The following ZNF589 variants were observed in gnomAD, a reference collection of about 807,000 sequenced individuals.
The protein encoded by ZNF589 is KRAB-zinc finger protein SZF1-1.
In ZNF589, 17 loss-of-function variants were observed where a neutral mutation model predicts 13.6. The ratio of observed to expected loss-of-function variants is 1.25; its 90% CI spans 0.86 to 1.88. ZNF589 has a LOEUF of 1.88. Ranked by LOEUF, ZNF589 falls within the 40% of genes most tolerant of loss-of-function variation. The pLI is 0.00. For missense variants in ZNF589, 407 were observed against 434.0 expected (o/e 0.94, Z 0.55); for synonymous variants, 148 against 161.6 (o/e 0.92, Z 0.64).
intron 2 of ZNF589, among the ~76,000 whole-genome samples, chr3:48,249,902 C>T (rs958604578): frequency 6.6e-6 from 1 of 152,052 alleles, no homozygotes; most frequent in Non-Finnish European, 1.5e-5. Flanking sequence ...CCAAGATGGG[C>T]GAATCACCTG....
chr3:48,266,930 G>C (rs912878344), intron 3 of ZNF589, among the ~76,000 whole-genome samples: 1 of 152,132 alleles, frequency 6.6e-6, no homozygotes, highest in Non-Finnish European at 1.5e-5. Flanking sequence ...ACCTATACGG[G>C]AATGCTCTTT....
chr3:48,263,131 C>T (rs1275534596), intron 3 of ZNF589, among the ~76,000 whole-genome samples: 17 of 149,934 alleles, frequency 1.1e-4, no homozygotes, highest in Non-Finnish European at 2.1e-4. Flanking sequence ...TTTTTTGAGA[C>T]GGAGTTTTGC....
At chr3:48,256,749 G>A (rs1275140302) in intron 2 of ZNF589, 2 of 1,604,090 alleles carry the variant, frequency 1.2e-6, no homozygotes, top group East Asian at 2.2e-5. Context: ...GAGGGGTTAG[G>A]AGGATTTGGA....
Position 48,269,360 on chromosome 3 carries a change from G to A in ZNF589, c.*574G>A. On this transcript the variant is annotated 3_prime_UTR_variant, in exon 4 of 4. Transcript: ENST00000354698. ...TACACACTCCAAGGAAAAACCTTAT[G>A]TGTGCAGCCAGTGTGGGCGAGGCTT... 1.1e-6 allele frequency: 1 copy of A among 936,006 alleles called. No homozygotes were observed. Among genetic ancestry groups the A allele is most frequent in the South Asian group, 1.6e-5 (1 of 63,360 alleles). The allele number at this position is 936,006 out of a possible 1,614,324, so 58.0% of individuals were successfully genotyped here. A position where few individuals can be genotyped will look rare whatever the true frequency, so the allele number is the denominator to read the frequency against.
At chr3:48,241,366 C>T (rs2033696817) in intron 1 of ZNF589, 152 bp downstream of exon 1, 2 of 922,368 alleles carry the variant, frequency 2.2e-6, no homozygotes, top group Admixed American at 2.6e-5. Context: ...CCCTGGGGGG[C>T]CAGGTTCCTC....
rs769754822 is a variant in ZNF589, at chr3:48,269,868, G to C, written c.*1082G>C. Reference sequence around the variant, plus strand: ...CGGGAGAAACCTTCATGGAGTGAGAGTAAGGTGTTGGCTGGAAGTGGCCCC... The same window carrying C: ...CGGGAGAAACCTTCATGGAGTGAGACTAAGGTGTTGGCTGGAAGTGGCCCC... On this transcript the variant is annotated 3_prime_UTR_variant, in exon 4 of 4. Transcript: ENST00000354698. 1 of 368,606 alleles carries C rather than the reference G, an allele frequency of 2.7e-6. No homozygotes were observed. Among genetic ancestry groups the C allele is most frequent in the Non-Finnish European group, 5.3e-6 (1 of 188,694 alleles). 22.8% of individuals were successfully genotyped at this position (368,606 alleles called of 1,614,324 possible). A position where few individuals can be genotyped will look rare whatever the true frequency, so the allele number is the denominator to read the frequency against.
chr3:48,268,910 C>A lies in ZNF589; in HGVS notation c.*124C>A. 7.5e-7 allele frequency: 1 copy of A among 1,327,488 alleles called. No homozygotes were observed. Among genetic ancestry groups the A allele is most frequent in the Non-Finnish European group, 1.0e-6 (1 of 961,376 alleles). The allele number at this position is 1,327,488 out of a possible 1,614,324, so 82.2% of individuals were successfully genotyped here. On this transcript the variant is annotated 3_prime_UTR_variant, in exon 4 of 4. Transcript: ENST00000354698. Reference sequence around the variant, plus strand: ...TGCTAAATCAACTCTCCTCCTACACCAGTGGACACATTCAGAGGTGAAACC... The same window carrying A: ...TGCTAAATCAACTCTCCTCCTACACAAGTGGACACATTCAGAGGTGAAACC...
At chr3:48,260,785 A>C (rs953589900) in intron 2 of ZNF589, 28 bp from the exon 3 acceptor site, 2 of 1,613,710 alleles carry the variant, frequency 1.2e-6, no homozygotes, top group Non-Finnish European at 1.7e-6. Context: ...TGGTGACTTG[A>C]TGAATATGAA....
intron 1 of ZNF589, among the ~76,000 whole-genome samples, chr3:48,246,338 T>C (rs935001745): frequency 2.0e-5 from 3 of 152,164 alleles, no homozygotes; most frequent in Non-Finnish European, 4.4e-5. Flanking sequence ...TCCACAATAA[T>C]TTGAAGAGGA....
In ZNF589 at chr3:48,268,440, G is replaced by A; in HGVS notation, c.749G>A (p.Cys250Tyr). 1 of 1,614,236 alleles carries A rather than the reference G, an allele frequency of 6.2e-7. No individual in the cohort carries two copies. Among genetic ancestry groups the A allele is most frequent in the Non-Finnish European group, 8.5e-7 (1 of 1,180,040 alleles). ...KSSDKRQSQV[C>Y]RECGRGFSRK... ...TCAGACAAAAGGCAGTCACAGGTGT[G>A]CAGGGAGTGTGGGCGAGGCTTTAGC... is the stretch of plus-strand genomic sequence containing the variant. The change falls in exon 4 of 4, where the codon TGC (cysteine) becomes TAC (tyrosine). Residue 250 changes from cysteine (C) to tyrosine (Y), a missense_variant. Transcript: ENST00000354698.
intron 2 of ZNF589, among the ~76,000 whole-genome samples, chr3:48,250,002 C>T (rs1213973324): frequency 6.6e-6 from 1 of 151,894 alleles, no homozygotes; most frequent in African/African-American, 2.4e-5. Flanking sequence ...GTGGCGGGTG[C>T]CTATAATCCC....
In ZNF589 at chr3:48,268,833, T is replaced by C. The variant is rs777207693; in HGVS notation, c.*47T>C. Reference sequence around the variant, plus strand: ...TCATGTCTCAACACACACCAGAGGATACATTCAGATGAGAAGCCTTTTGTT... The same window carrying C: ...TCATGTCTCAACACACACCAGAGGACACATTCAGATGAGAAGCCTTTTGTT... On this transcript the variant is annotated 3_prime_UTR_variant, in exon 4 of 4. Coordinates refer to ENST00000354698, the MANE Select transcript of ZNF589 (RefSeq NM_016089.3). 3.3e-6 allele frequency: 5 copies of C among 1,504,462 alleles called. No homozygotes were observed. In the South Asian group the frequency reaches 5.2e-5, roughly 16 times the overall value. The allele number at this position is 1,504,462 out of a possible 1,614,324, so 93.2% of individuals were successfully genotyped here.
Position 48,269,013 on chromosome 3 carries a change from A to T in ZNF589, c.*227A>T. ...TCACATCGGAGAACACACTCAGGGG[A>T]GAAGCCTTATGTGTGTGGGGAATGT... On this transcript the variant is annotated 3_prime_UTR_variant, in exon 4 of 4. Transcript: ENST00000354698. The T allele has an allele frequency of 1.4e-6, 1 of 724,164 alleles. No homozygotes were observed. The highest frequency in any genetic ancestry group is 2.3e-6 in the Non-Finnish European group (1 of 432,152). The allele number at this position is 724,164 out of a possible 1,614,324, so 44.9% of individuals were successfully genotyped here. A position where few individuals can be genotyped will look rare whatever the true frequency, so the allele number is the denominator to read the frequency against.
chr3:48,260,591 T>G (rs1470162851), intron 2 of ZNF589, among the ~76,000 whole-genome samples: 1 of 152,192 alleles, frequency 6.6e-6, no homozygotes, highest in Admixed American at 6.5e-5. Flanking sequence ...GTATTTTTAG[T>G]GGAGACAGCG....
At position 48,268,539 on chromosome 3, in the gene ZNF589, G is replaced by A. The variant is rs564454039; in HGVS notation, c.848G>A (p.Arg283Gln). The A allele has an allele frequency of 8.7e-6, 14 of 1,613,978 alleles. No individual in the cohort carries two copies. Among genetic ancestry groups the A allele is most frequent in the African/African-American group, 6.7e-5 (5 of 74,954 alleles). The change falls in exon 4 of 4, where the codon CGA becomes CAA. Residue 283 changes from arginine to glutamine, a missense_variant. By Grantham distance (43) the Arg-to-Gln change is conservative (BLOSUM62 1). Coordinates refer to ENST00000354698, the MANE Select transcript of ZNF589 (RefSeq NM_016089.3). ...EKPYVCGECGRGFIVESVLRN... is the reference protein window; with the variant it reads ...EKPYVCGECGQGFIVESVLRN... ...CCTTATGTCTGCGGAGAGTGTGGGC[G>A]AGGCTTTATAGTTGAGTCAGTCCTC...
chr3:48,243,583 G>A (rs759722015), intron 1 of ZNF589, among the ~76,000 whole-genome samples: 4 of 151,926 alleles, frequency 2.6e-5, no homozygotes, highest in South Asian at 2.1e-4. Flanking sequence ...AGGCTGAGGC[G>A]GGTAGATCAC....
chr3:48,250,145 A>G lies in ZNF589; in HGVS notation c.96+2468A>G, dbSNP rs563436843. On this transcript the variant is annotated intron_variant, in intron 2 of 3. Transcript: ENST00000354698. ...TCCATTTCAAAAAAAAAAAAAATAC[A>G]ATTTATTATTGTTAACTCTAAGCTT... 6.6e-5 allele frequency among the ~76,000 whole-genome samples: 10 copies of G among 151,706 alleles called. No homozygotes were observed. In the East Asian group the frequency reaches 1.7e-3, roughly 26 times the overall value.
At position 48,270,688 on chromosome 3, in the gene ZNF589, T is replaced by G. The variant is rs2034080974; in HGVS notation, c.*1902T>G. On this transcript the variant is annotated 3_prime_UTR_variant, in exon 4 of 4. Transcript: ENST00000354698. Reference sequence around the variant, plus strand: ...CTGCCACAGAAAAGAAGGGGAGAGATGTTCATGTAACCTCAAAATACTTAG... The same window carrying G: ...CTGCCACAGAAAAGAAGGGGAGAGAGGTTCATGTAACCTCAAAATACTTAG... The G allele has an allele frequency of 5.6e-6, 1 of 179,498 alleles. No individual in the cohort carries two copies. Among genetic ancestry groups the G allele is most frequent in the Non-Finnish European group, 1.2e-5 (1 of 84,058 alleles). 11.1% of individuals were successfully genotyped at this position (179,498 alleles called of 1,614,324 possible).
In ZNF589 at chr3:48,268,382, T is replaced by C. The variant is rs373593163; in HGVS notation, c.691T>C (p.Phe231Leu). 4.3e-6 allele frequency: 7 copies of C among 1,614,104 alleles called. No individual in the cohort carries two copies. Among genetic ancestry groups the C allele is most frequent in the Non-Finnish European group, 5.9e-6 (7 of 1,179,982 alleles). The part of the protein sequence containing the change: ...ALAFNQKSNL[F>L]RQKAVTAEKS... ...AGCTTTTAACCAGAAGTCAAACCTG[T>C]TCAGACAGAAGGCAGTCACAGCAGA... The change falls in exon 4 of 4, where the codon TTC (phenylalanine) becomes CTC (leucine). Residue 231 changes from phenylalanine (F) to leucine (L), a missense_variant. Transcript: ENST00000354698.
Sources: allele counts gnomAD v4.1 joint callset (sites outside exome capture counted in the v4.1 genomes callset), GRCh38; gene constraint gnomAD v4.1.1; transcripts MANE v1.5; gene names NCBI Gene and HGNC (gene_info 2026-07-23, HGNC 2026-07-21).